ARB2A: variants seen among roughly 807,000 people sequenced by gnomAD.
The protein encoded by ARB2A is cotranscriptional regulator ARB2A.
At chr5:93,620,224 A>G in the ARB2A span, 1 of 152,198 alleles carries the variant, frequency 6.6e-6, no homozygotes. Flanking sequence ...GCTGCCCATC[A>G]TTGTTTTGGT....
chr5:93,993,295 T>A, the ARB2A span, among the ~76,000 whole-genome samples: 1 of 152,108 alleles, frequency 6.6e-6, no homozygotes, highest in African/African-American at 2.4e-5. Context: ...GCTGTTTTTT[T>A]AGTTTCCCTA....
chr5:93,868,648 T>C, the ARB2A span, among the ~76,000 whole-genome samples: 4 of 152,106 alleles, frequency 2.6e-5, no homozygotes, highest in African/African-American at 9.7e-5. Flanking sequence ...CTTTCCTTCA[T>C]CTCCACCTAC....
chr5:93,830,199 T>C, the ARB2A span, among the ~76,000 whole-genome samples: 2 of 151,300 alleles, frequency 1.3e-5, no homozygotes, highest in African/African-American at 2.4e-5. Flanking sequence ...CTATTGATGG[T>C]TGGCATAACT....
chr5:93,968,527 G>C, the ARB2A span, among the ~76,000 whole-genome samples: 1 of 151,934 alleles, frequency 6.6e-6, no homozygotes, highest in South Asian at 2.1e-4. Flanking sequence ...AATGCAAAGA[G>C]AAAACAAGAA....
the ARB2A span, among the ~76,000 whole-genome samples, chr5:93,720,186 C>T: frequency 5.9e-5 from 9 of 152,272 alleles, no homozygotes; most frequent in East Asian, 1.9e-4. Context: ...ATATTAAAGA[C>T]GCTTTATTCT....
At chr5:93,683,699 T>C in the ARB2A span, 2 of 1,611,142 alleles carry the variant, frequency 1.2e-6, no homozygotes, top group Non-Finnish European at 1.7e-6. Context: ...CTCATGTCCA[T>C]GTCCATCGAA....
the ARB2A span, among the ~76,000 whole-genome samples, chr5:94,007,761 C>T: frequency 1.4e-5 from 2 of 140,296 alleles, no homozygotes; most frequent in Admixed American, 1.5e-4. Flanking sequence ...AGTGACAAAG[C>T]AAGACTCTGT....
chr5:93,875,890 T>C, the ARB2A span, among the ~76,000 whole-genome samples: 1 of 151,964 alleles, frequency 6.6e-6, no homozygotes, highest in African/African-American at 2.4e-5. Flanking sequence ...CAGCAGCCCC[T>C]TGTGGTCTAA....
At chr5:94,110,614 C>T in the ARB2A span, among the ~76,000 whole-genome samples, 4 of 152,146 alleles carry the variant, frequency 2.6e-5, no homozygotes, top group African/African-American at 9.7e-5. Flanking sequence ...TCTACATTCG[C>T]TAAATGTATA....
the ARB2A span, among the ~76,000 whole-genome samples, chr5:93,808,130 G>A: frequency 2.6e-5 from 4 of 151,834 alleles, no homozygotes; most frequent in African/African-American, 4.8e-5. Flanking sequence ...CGGCTATATC[G>A]GCTTCAGACA....
the ARB2A span, among the ~76,000 whole-genome samples, chr5:94,046,124 G>C: frequency 1.3e-5 from 2 of 152,162 alleles, no homozygotes; most frequent in African/African-American, 2.4e-5. Flanking sequence ...ATAGTAGTTG[G>C]TTAAATTTCA....
At chr5:93,940,938 A>G in the ARB2A span, among the ~76,000 whole-genome samples, 2 of 152,140 alleles carry the variant, frequency 1.3e-5, no homozygotes, top group Non-Finnish European at 2.9e-5. Flanking sequence ...GAAATAAAAG[A>G]GTTTTTAAAA....
At chr5:93,620,225 T>C in the ARB2A span, 1 of 152,206 alleles carries the variant, frequency 6.6e-6, no homozygotes, top group African/African-American at 2.4e-5. Context: ...CTGCCCATCA[T>C]TGTTTTGGTT....
At chr5:93,920,033 C>T in the ARB2A span, among the ~76,000 whole-genome samples, 7 of 151,914 alleles carry the variant, frequency 4.6e-5, no homozygotes, top group South Asian at 2.1e-4. Flanking sequence ...TTATAGTATA[C>T]GATCTGTAAT....
chr5:93,903,088 G>A, the ARB2A span, among the ~76,000 whole-genome samples: 11 of 152,154 alleles, frequency 7.2e-5, no homozygotes, highest in Non-Finnish European at 1.5e-4. Flanking sequence ...CATGGTCAGC[G>A]TTATGTCCAA....
chr5:93,890,057 AAG>A, the ARB2A span, among the ~76,000 whole-genome samples: 25 of 152,060 alleles, frequency 1.6e-4, no homozygotes, highest in African/African-American at 5.3e-4. Flanking sequence ...CTTGAATGAC[AAG>A]AGTGATAAAA....
the ARB2A span, among the ~76,000 whole-genome samples, chr5:93,801,905 A>G: frequency 6.6e-6 from 1 of 152,248 alleles, no homozygotes; most frequent in South Asian, 2.1e-4. Context: ...TTTCAAATAC[A>G]ACCAAAATTA....
the ARB2A span, among the ~76,000 whole-genome samples, chr5:93,979,141 T>C: frequency 1.1e-4 from 17 of 152,072 alleles, no homozygotes; most frequent in African/African-American, 4.8e-5. Context: ...ATAATATGTA[T>C]CAGTAACAGG....
At chr5:93,664,849 C>T in the ARB2A span, among the ~76,000 whole-genome samples, 1 of 151,652 alleles carries the variant, frequency 6.6e-6, no homozygotes, top group Admixed American at 6.6e-5. Context: ...TCCTTTTTGC[C>T]ACAGTCTCGC....
Sources: allele counts gnomAD v4.1 joint callset (sites outside exome capture counted in the v4.1 genomes callset), GRCh38; gene constraint gnomAD v4.1.1; transcripts MANE v1.5; gene names NCBI Gene and HGNC (gene_info 2026-07-23, HGNC 2026-07-21).